The following GRM5 variants were observed in gnomAD, a reference collection of about 807,000 sequenced individuals.
The protein encoded by GRM5 is metabotropic glutamate receptor 5.
In GRM5, 19 loss-of-function variants were observed where a neutral mutation model predicts 83.1. The observed-to-expected ratio is 0.23, with a 90% CI of 0.16 to 0.34. The LOEUF (loss-of-function observed/expected upper bound fraction) is 0.34. GRM5 is among the 10% of genes least tolerant of loss of function. The pLI is 1.00. For missense variants in GRM5, 1,160 were observed against 1,588.3 expected, an observed-to-expected ratio of 0.73 and a Z score of 4.58; for synonymous variants, 675 against 633.6, an observed-to-expected ratio of 1.07 and a Z score of -0.98.
chr11:88,784,072 A>C (rs538796963), intron 3 of GRM5, among the ~76,000 whole-genome samples: 1 of 152,132 alleles, frequency 6.6e-6, no homozygotes, highest in Non-Finnish European at 1.5e-5. Context: ...ATTTTTATAC[A>C]TTTACCACTA....
chr11:88,748,390 C>T (rs907711463), intron 3 of GRM5, among the ~76,000 whole-genome samples: 3 of 152,126 alleles, frequency 2.0e-5, no homozygotes, highest in Non-Finnish European at 2.9e-5. Context: ...AAGTTAAGAA[C>T]CACTGGCTTG....
chr11:88,806,021 G>T (rs1262459668), intron 3 of GRM5, among the ~76,000 whole-genome samples: 3 of 152,214 alleles, frequency 2.0e-5, no homozygotes, highest in Non-Finnish European at 2.9e-5. Flanking sequence ...TGGAAAGGAA[G>T]ATAATAATTC....
At chr11:88,836,172 T>A (rs1475747027) in intron 3 of GRM5, among the ~76,000 whole-genome samples, 1 of 152,178 alleles carries the variant, frequency 6.6e-6, no homozygotes, top group Non-Finnish European at 1.5e-5. Flanking sequence ...GAAGCAAACC[T>A]CTCCTGTAAA....
At chr11:88,575,657 C>T (rs1424054867) in intron 7 of GRM5, among the ~76,000 whole-genome samples, 1 of 152,168 alleles carries the variant, frequency 6.6e-6, no homozygotes, top group East Asian at 1.9e-4. Flanking sequence ...GCTATATGTC[C>T]TTAGAGTTGC....
intron 3 of GRM5, among the ~76,000 whole-genome samples, chr11:88,737,178 A>C (rs962030415): frequency 2.6e-5 from 4 of 152,190 alleles, no homozygotes; most frequent in East Asian, 3.9e-4. Context: ...ATACATTCTC[A>C]TAAGTTACTG....
chr11:88,911,585 C>A (rs1326905550), intron 2 of GRM5, among the ~76,000 whole-genome samples: 4 of 152,080 alleles, frequency 2.6e-5, no homozygotes, highest in Admixed American at 2.6e-4. Context: ...TAGAAAACAG[C>A]ATTAGGGTTC....
chr11:89,044,274 C>T (rs1426703804), intron 2 of GRM5, among the ~76,000 whole-genome samples: 2 of 152,164 alleles, frequency 1.3e-5, no homozygotes, highest in South Asian at 2.1e-4. Flanking sequence ...TTAAAAAATG[C>T]TTTCTTTTTT....
chr11:88,652,547 G>A (rs1939659584), intron 4 of GRM5, among the ~76,000 whole-genome samples: 1 of 152,040 alleles, frequency 6.6e-6, no homozygotes, highest in Admixed American at 6.6e-5. Context: ...TTGAGGGCAG[G>A]AACTAGCTTT....
intron 2 of GRM5, among the ~76,000 whole-genome samples, chr11:88,969,924 G>T (rs1415101854): frequency 1.3e-5 from 2 of 151,894 alleles, no homozygotes; most frequent in South Asian, 4.2e-4. Flanking sequence ...CTCATTTGCC[G>T]TACTTTTATA....
chr11:88,643,060 T>A (rs1939338965), intron 4 of GRM5, among the ~76,000 whole-genome samples: 1 of 147,110 alleles, frequency 6.8e-6, no homozygotes, highest in Non-Finnish European at 1.5e-5. Flanking sequence ...TACATTGTTA[T>A]TAAAAAATAC....
intron 3 of GRM5, among the ~76,000 whole-genome samples, chr11:88,800,877 A>G (rs1943380144): frequency 6.6e-6 from 1 of 152,166 alleles, no homozygotes; most frequent in Non-Finnish European, 1.5e-5. Context: ...TTTTATTAAT[A>G]GCAAATTATT....
At position 88,896,840 on chromosome 11, in the gene GRM5, A is replaced by T. The variant is rs563306191; in HGVS notation, c.662-46685T>A. Reference sequence around the variant, plus strand: ...TGGAGATTAGCCTGATTCTTAGACTAATCTCCAGAAACAACCTCAGAGATA... The same window carrying T: ...TGGAGATTAGCCTGATTCTTAGACTTATCTCCAGAAACAACCTCAGAGATA... On this transcript the variant is annotated intron_variant, in intron 2 of 9. Coordinates refer to ENST00000305447, the MANE Select transcript of GRM5 (RefSeq NM_001143831.3). Among the ~76,000 whole-genome samples, 465 of 152,064 alleles carry T rather than the reference A, an allele frequency of 3.1e-3. 3 individuals carry two copies. The highest frequency in any genetic ancestry group is 0.01 in the African/African-American group (425 of 41,532).
Position 88,719,902 on chromosome 11 carries a change from A to G in GRM5, c.912-66499T>C, listed in dbSNP as rs113520163. Among the ~76,000 whole-genome samples, 661 of 152,004 alleles carry G rather than the reference A, an allele frequency of 4.3e-3. 3 individuals carry two copies. The highest frequency in any genetic ancestry group is 0.015 in the African/African-American group (631 of 41,500). ...TGTTCATGTCCTTTGCCCACTTTTTAATAGGGTTGTTTGTCTTTTCCTTGT... is the reference window on the plus strand; with the variant it reads ...TGTTCATGTCCTTTGCCCACTTTTTGATAGGGTTGTTTGTCTTTTCCTTGT... On this transcript the variant is annotated intron_variant, in intron 3 of 9. Transcript: ENST00000305447.
At chr11:88,881,264 G>A (rs1020185044) in intron 2 of GRM5, among the ~76,000 whole-genome samples, 6 of 151,472 alleles carry the variant, frequency 4.0e-5, no homozygotes, top group African/African-American at 1.5e-4. Flanking sequence ...GTTTGAGACT[G>A]TCATAATGAT....
At chr11:88,687,957 A>G (rs1049514712) in intron 3 of GRM5, among the ~76,000 whole-genome samples, 10 of 152,032 alleles carry the variant, frequency 6.6e-5, no homozygotes, top group African/African-American at 2.4e-4. Context: ...TGAAGTCCCA[A>G]ATATTTAATT....
At chr11:88,891,156 T>C (rs937729129) in intron 2 of GRM5, among the ~76,000 whole-genome samples, 5 of 152,062 alleles carry the variant, frequency 3.3e-5, no homozygotes, top group South Asian at 2.1e-4. Context: ...TCAAATTGGT[T>C]AAGATTAGAT....
chr11:88,726,901 G>A (rs535350395), intron 3 of GRM5, among the ~76,000 whole-genome samples: 2 of 152,214 alleles, frequency 1.3e-5, no homozygotes, highest in South Asian at 4.1e-4. Context: ...ACTAAATATG[G>A]CAAGGAAAAA....
At chr11:88,667,791 G>T (rs1372819292) in intron 3 of GRM5, among the ~76,000 whole-genome samples, 3 of 152,066 alleles carry the variant, frequency 2.0e-5, no homozygotes, top group African/African-American at 7.2e-5. Context: ...TACTTGGGAG[G>T]CTAAGACAGG....
At chr11:88,761,407 A>G (rs549263250) in intron 3 of GRM5, among the ~76,000 whole-genome samples, 1 of 152,172 alleles carries the variant, frequency 6.6e-6, no homozygotes, top group East Asian at 1.9e-4. Context: ...AAACACCAAC[A>G]ACCATCAAAC....
Sources: gnomAD v4.1 joint callset for allele counts (sites outside exome capture counted in the v4.1 genomes callset) on GRCh38, gnomAD v4.1.1 for gene constraint, MANE v1.5 for transcripts, NCBI Gene and HGNC (gene_info 2026-07-23, HGNC 2026-07-21) for gene names.